RBFOX1: variants seen among roughly 807,000 people sequenced by gnomAD.
The protein encoded by RBFOX1 is RNA binding fox-1 homolog 1.
In RBFOX1, 8 loss-of-function variants were observed where a neutral mutation model predicts 57.7. The observed-to-expected ratio is 0.14, with a 90% CI of 0.08 to 0.25. The LOEUF (loss-of-function observed/expected upper bound fraction) is 0.25. Among genes scored for constraint, RBFOX1 ranks in the 10% least tolerant of loss-of-function variants. The pLI is 1.00. For synonymous variants in RBFOX1, 326 were observed against 222.4 expected, an observed-to-expected ratio of 1.47 and a Z score of -4.15; for missense variants, 611 against 548.5, an observed-to-expected ratio of 1.11 and a Z score of -1.14.
chr16:6,291,708 T>C (rs998852104), intron 1 of RBFOX1, among the ~76,000 whole-genome samples: 1 of 152,216 alleles, frequency 6.6e-6, no homozygotes, highest in African/African-American at 2.4e-5. Flanking sequence ...AAGGCATAAA[T>C]AATTATTTTC....
chr16:7,368,895 G>A (rs967594384), intron 4 of RBFOX1, among the ~76,000 whole-genome samples: 3 of 152,086 alleles, frequency 2.0e-5, no homozygotes, highest in African/African-American at 7.2e-5. Context: ...CAAAGAAAGT[G>A]CCCTCTAATG....
chr16:7,090,713 C>T (rs2060689708), intron 4 of RBFOX1, among the ~76,000 whole-genome samples: 2 of 152,154 alleles, frequency 1.3e-5, no homozygotes, highest in South Asian at 4.1e-4. Flanking sequence ...CAACCATTGG[C>T]TGACTTCCGG....
chr16:5,518,234 T>A (rs1353145671), intron 2 of RBFOX1, among the ~76,000 whole-genome samples: 2 of 152,166 alleles, frequency 1.3e-5, no homozygotes, highest in Non-Finnish European at 2.9e-5. Flanking sequence ...AAATCACTTC[T>A]CATAAAGTGC....
chr16:6,971,467 C>T (rs1040903448), intron 3 of RBFOX1, among the ~76,000 whole-genome samples: 1 of 151,098 alleles, frequency 6.6e-6, no homozygotes, highest in Admixed American at 6.6e-5. Flanking sequence ...CAGTGCAGAG[C>T]TTTTCAGATT....
chr16:6,422,563 A>C (rs745608273), intron 2 of RBFOX1, among the ~76,000 whole-genome samples: 1 of 152,176 alleles, frequency 6.6e-6, no homozygotes, highest in Non-Finnish European at 1.5e-5. Flanking sequence ...CAGGAAGCAT[A>C]ATGGATTCTG....
At chr16:6,190,734 G>A (rs1465350026) in intron 1 of RBFOX1, among the ~76,000 whole-genome samples, 2 of 152,056 alleles carry the variant, frequency 1.3e-5, no homozygotes, top group Admixed American at 6.5e-5. Context: ...ATTGAACCAC[G>A]TGCTATCAGG....
At chr16:5,770,497 A>G (rs1453026836) in intron 3 of RBFOX1, among the ~76,000 whole-genome samples, 1 of 152,194 alleles carries the variant, frequency 6.6e-6, no homozygotes, top group African/African-American at 2.4e-5. Flanking sequence ...CTTGTTTAGC[A>G]TATAATTAAG....
intron 4 of RBFOX1, among the ~76,000 whole-genome samples, chr16:5,926,135 CAGTGAAA>C (rs1212923413): frequency 6.6e-6 from 1 of 152,162 alleles, no homozygotes; most frequent in Non-Finnish European, 1.5e-5. Context: ...TTATCTCTTC[CAGTGAAA>C]AGGGAAGGTA....
chr16:6,878,522 C>T lies in RBFOX1; in HGVS notation c.-15-173535C>T, dbSNP rs778082968. 3.9e-5 allele frequency among the ~76,000 whole-genome samples: 6 copies of T among 152,282 alleles called. 1 individual carries two copies. In the South Asian group the frequency reaches 1.2e-3, roughly 32 times the overall value. On this transcript the variant is annotated intron_variant, in intron 3 of 15. Transcript: ENST00000550418. ...AGCAAGAAATAAACTTTTGTTATTC[C>T]TGGACCTTTTAGATTTTGGAGTCAT...
At chr16:5,467,004 T>C (rs2068972848) in intron 1 of RBFOX1, among the ~76,000 whole-genome samples, 1 of 152,216 alleles carries the variant, frequency 6.6e-6, no homozygotes, top group South Asian at 2.1e-4. Flanking sequence ...TTCTGTCTTA[T>C]GGCAGCCATT....
intron 1 of RBFOX1, among the ~76,000 whole-genome samples, chr16:6,119,014 G>GTTTTT (rs35604110): frequency 7.0e-6 from 1 of 142,236 alleles, no homozygotes. Flanking sequence ...AATTCCTCAG[G>GTTTTT]TTTTTTTTTT....
intron 4 of RBFOX1, among the ~76,000 whole-genome samples, chr16:7,511,461 G>A (rs2075064310): frequency 6.6e-6 from 1 of 152,106 alleles, no homozygotes; most frequent in South Asian, 2.1e-4. Context: ...ATATTTCAGG[G>A]ACCAAAGAAA....
At chr16:5,752,790 T>C (rs1051472761) in intron 3 of RBFOX1, among the ~76,000 whole-genome samples, 4 of 152,188 alleles carry the variant, frequency 2.6e-5, no homozygotes, top group Admixed American at 1.3e-4. Context: ...TCCTCTACTT[T>C]GAATTTCTGC....
At chr16:7,218,894 T>C (rs2092491623) in intron 4 of RBFOX1, among the ~76,000 whole-genome samples, 1 of 152,140 alleles carries the variant, frequency 6.6e-6, no homozygotes, top group Admixed American at 6.5e-5. Context: ...CGCATGCAGT[T>C]AGCATGTTCA....
rs528680032 is a variant in RBFOX1, at chr16:7,297,589, G to A, written c.28-220558G>A. Reference sequence around the variant, plus strand: ...ATCTAGAATATTGCAACTCAGTAGTGGCTTTAAGCAGGTTTTCATGTACTA... The same window carrying A: ...ATCTAGAATATTGCAACTCAGTAGTAGCTTTAAGCAGGTTTTCATGTACTA... On this transcript the variant is annotated intron_variant, in intron 4 of 15. Transcript: ENST00000550418. 5.3e-5 allele frequency among the ~76,000 whole-genome samples: 8 copies of A among 152,080 alleles called. No homozygotes were observed. In the East Asian group the frequency reaches 1.5e-3, roughly 29 times the overall value.
intron 3 of RBFOX1, among the ~76,000 whole-genome samples, chr16:5,739,331 G>A (rs946726445): frequency 2.0e-5 from 3 of 152,236 alleles, no homozygotes; most frequent in Non-Finnish European, 4.4e-5. Context: ...GTAACGTTCT[G>A]CGTAGCAGGC....
At chr16:6,876,063 C>G (rs932658342) in intron 3 of RBFOX1, among the ~76,000 whole-genome samples, 2 of 151,876 alleles carry the variant, frequency 1.3e-5, no homozygotes, top group African/African-American at 4.8e-5. Context: ...GTCCTAGCAT[C>G]TCGGGGGGCT....
At chr16:7,360,936 A>G (rs185844081) in intron 4 of RBFOX1, among the ~76,000 whole-genome samples, 3 of 152,158 alleles carry the variant, frequency 2.0e-5, no homozygotes, top group Non-Finnish European at 4.4e-5. Context: ...TCCACTGCGT[A>G]TGAGTTTTTC....
intron 1 of RBFOX1, among the ~76,000 whole-genome samples, chr16:5,317,195 T>TTCTCTC (rs369981628): frequency 2.0e-5 from 3 of 150,518 alleles, no homozygotes; most frequent in Non-Finnish European, 3.0e-5. Context: ...AAATCCTTTC[T>TTCTCTC]TCTCTCTCTC....
Sources: allele counts gnomAD v4.1 joint callset (sites outside exome capture counted in the v4.1 genomes callset), GRCh38; gene constraint gnomAD v4.1.1; transcripts MANE v1.5; gene names NCBI Gene and HGNC (gene_info 2026-07-23, HGNC 2026-07-21).